The following FARS2 variants were observed in gnomAD, a reference collection of about 807,000 sequenced individuals.
The protein encoded by FARS2 is phenylalanine--tRNA ligase, mitochondrial.
Under a neutral mutation model 46.4 loss-of-function variants are expected in FARS2, and 40 were observed. The observed-to-expected ratio is 0.86, with a 90% CI of 0.67 to 1.12. FARS2 has a LOEUF of 1.12. Among genes scored for constraint, FARS2 ranks in the 50% most tolerant of loss-of-function variants. The probability of loss-of-function intolerance (pLI) is 0.00; values close to 1 mark genes in which losing one functional copy is unlikely to be tolerated. For missense variants in FARS2, 513 were observed against 567.9 expected, an observed-to-expected ratio of 0.90 and a Z score of 0.98; for synonymous variants, 234 against 214.9, an observed-to-expected ratio of 1.09 and a Z score of -0.78.
intron 5 of FARS2, among the ~76,000 whole-genome samples, chr6:5,547,222 G>A (rs767290800): frequency 6.6e-6 from 1 of 152,152 alleles, no homozygotes; most frequent in Non-Finnish European, 1.5e-5. Context: ...GAAGTGCTGG[G>A]ATTACAGGTA....
chr6:5,549,402 G>C (rs896245474), intron 5 of FARS2, among the ~76,000 whole-genome samples: 66 of 152,046 alleles, frequency 4.3e-4, no homozygotes, highest in African/African-American at 1.6e-3. Flanking sequence ...TCATGGTTCA[G>C]TTCCCACCTA....
Position 5,407,059 on chromosome 6 carries a change from ATATATAT to A in FARS2, c.772+2359_772+2365del, listed in dbSNP as rs1562017898. The stretch of plus-strand genomic sequence containing the variant: ...GGTGGCAAATTATATATATATATAT[ATATATAT>A]AATGACCAATAAATATATGAAAAGA... On this transcript the variant is annotated intron_variant, in intron 3 of 6. Coordinates refer to ENST00000274680, the MANE Select transcript of FARS2 (RefSeq NM_006567.5). 1.1e-4 allele frequency among the ~76,000 whole-genome samples: 15 copies of A among 140,262 alleles called. 1 individual carries two copies. The highest frequency in any genetic ancestry group is 2.2e-4 in the East Asian group (1 of 4,594). The allele number at this position is 140,262 out of a possible 152,430, so 92.0% of individuals were successfully genotyped here. A position where few individuals can be genotyped will look rare whatever the true frequency, so the allele number is the denominator to read the frequency against.
At chr6:5,412,690 T>C (rs1762002564) in intron 3 of FARS2, among the ~76,000 whole-genome samples, 1 of 152,210 alleles carries the variant, frequency 6.6e-6, no homozygotes, top group South Asian at 2.1e-4. Context: ...TAATTGTTAG[T>C]GCTACATTCT....
intron 1 of FARS2, among the ~76,000 whole-genome samples, chr6:5,332,866 G>A (rs567712229): frequency 6.6e-6 from 1 of 152,292 alleles, no homozygotes; most frequent in Non-Finnish European, 1.5e-5. Context: ...CATTAAAAGG[G>A]TAATGGCTCA....
chr6:5,404,763 G>T lies in FARS2; in HGVS notation c.772+62G>T. ...GAAATACTTGGGACAGAAGTGTTTT[G>T]GATTTGGGTTTTTTTTTTTTTTTTC... On this transcript the variant is annotated intron_variant, in intron 3 of 6. Coordinates refer to ENST00000274680, the MANE Select transcript of FARS2 (RefSeq NM_006567.5). 6.6e-6 allele frequency: 7 copies of T among 1,056,636 alleles called. No individual in the cohort carries two copies. The South Asian group carries it at 7.9e-5, about 12-fold the overall frequency. 65.5% of individuals were successfully genotyped at this position (1,056,636 alleles called of 1,614,324 possible).
intron 2 of FARS2, among the ~76,000 whole-genome samples, chr6:5,382,875 CAGG>C (rs1446238211): frequency 6.6e-6 from 1 of 152,208 alleles, no homozygotes; most frequent in African/African-American, 2.4e-5. Flanking sequence ...AGTCTGAAGA[CAGG>C]AGAAGACTGA....
At chr6:5,548,885 G>A (rs1191257517) in intron 5 of FARS2, among the ~76,000 whole-genome samples, 2 of 152,126 alleles carry the variant, frequency 1.3e-5, no homozygotes, top group African/African-American at 4.8e-5. Context: ...GGGCAATTAG[G>A]ATTTGTACAT....
At position 5,722,725 on chromosome 6, in the gene FARS2, G is replaced by A. The variant is rs570635288; in HGVS notation, c.1218-48566G>A. On this transcript the variant is annotated intron_variant, in intron 6 of 6. Transcript: ENST00000274680. ...AGCTGGATTTTATTCTGAGTGCAAC[G>A]AGGATGTCCTTGGAGGGGTGTGAAG... is the stretch of plus-strand genomic sequence containing the variant. Among the ~76,000 whole-genome samples the A allele has an allele frequency of 1.8e-4, 27 of 152,250 alleles. No individual in the cohort carries two copies. The East Asian group carries it at 2.5e-3, about 14-fold the overall frequency.
chr6:5,636,079 A>C (rs1776531609), intron 6 of FARS2, among the ~76,000 whole-genome samples: 1 of 152,196 alleles, frequency 6.6e-6, no homozygotes, highest in Non-Finnish European at 1.5e-5. Context: ...TGGCGCTTTA[A>C]AGAAGTGTAA....
chr6:5,590,273 T>A (rs930116278), intron 5 of FARS2, among the ~76,000 whole-genome samples: 1 of 152,160 alleles, frequency 6.6e-6, no homozygotes, highest in Non-Finnish European at 1.5e-5. Context: ...GGTAGCAGTG[T>A]TTCCCCATGC....
intron 4 of FARS2, among the ~76,000 whole-genome samples, chr6:5,491,486 A>G (rs1767107219): frequency 6.6e-6 from 1 of 152,146 alleles, no homozygotes; most frequent in Admixed American, 6.5e-5. Flanking sequence ...CGAGTTAAGA[A>G]TCATGCGCCA....
intron 5 of FARS2, among the ~76,000 whole-genome samples, chr6:5,566,642 T>C (rs771827152): frequency 6.6e-6 from 1 of 152,254 alleles, no homozygotes; most frequent in Middle Eastern, 3.4e-3. Flanking sequence ...AAAAGAGCCT[T>C]TTTCCAGAAA....
chr6:5,501,253 C>T (rs1205066678), intron 4 of FARS2, among the ~76,000 whole-genome samples: 2 of 152,070 alleles, frequency 1.3e-5, no homozygotes, highest in African/African-American at 4.8e-5. Context: ...GAAGAAATAA[C>T]ACCTATTTCA....
At chr6:5,575,093 G>A (rs567358627) in intron 5 of FARS2, among the ~76,000 whole-genome samples, 14 of 152,232 alleles carry the variant, frequency 9.2e-5, no homozygotes, top group African/African-American at 2.6e-4. Context: ...TATTTTCTCC[G>A]TAAGACACAT....
At chr6:5,446,222 A>T (rs172055) in intron 4 of FARS2, among the ~76,000 whole-genome samples, 128,949 of 151,358 alleles carry the variant, frequency 0.85, 55,130 homozygotes, top group East Asian at 0.96. Context: ...AAAAAAGAAA[A>T]TTTTTTTTAC....
intron 5 of FARS2, among the ~76,000 whole-genome samples, chr6:5,591,395 G>T (rs561364352): frequency 5.9e-5 from 9 of 152,212 alleles, no homozygotes; most frequent in Non-Finnish European, 1.3e-4. Context: ...ACTTACATCA[G>T]CTTCTCTGAG....
chr6:5,594,507 A>C (rs1774090730), intron 5 of FARS2, among the ~76,000 whole-genome samples: 1 of 152,206 alleles, frequency 6.6e-6, no homozygotes, highest in Non-Finnish European at 1.5e-5. Flanking sequence ...TTTAATACAG[A>C]GAATTTAAAC....
chr6:5,751,409 C>T (rs1237041283), intron 6 of FARS2, among the ~76,000 whole-genome samples: 1 of 152,156 alleles, frequency 6.6e-6, no homozygotes, highest in Non-Finnish European at 1.5e-5. Flanking sequence ...TCCTGTTGGG[C>T]AAAAAGCAAG....
chr6:5,687,675 A>G (rs370105991), intron 6 of FARS2, among the ~76,000 whole-genome samples: 2 of 152,252 alleles, frequency 1.3e-5, no homozygotes, highest in African/African-American at 4.8e-5. Context: ...TTGACTTGGC[A>G]ATGTGGGCTC....
Sources: allele counts gnomAD v4.1 joint callset (sites outside exome capture counted in the v4.1 genomes callset), GRCh38; gene constraint gnomAD v4.1.1; transcripts MANE v1.5; gene names NCBI Gene and HGNC (gene_info 2026-07-23, HGNC 2026-07-21).